NRCAM: variants seen among roughly 807,000 people sequenced by gnomAD.
The protein encoded by NRCAM is neuronal cell adhesion molecule.
NRCAM carries 83 observed loss-of-function variants against 156.5 expected under a neutral mutation model. That is an observed-to-expected ratio of 0.53 (90% confidence interval 0.44 to 0.64). The LOEUF is 0.64. Ranked by LOEUF, NRCAM falls within the 30% of genes least tolerant of loss-of-function variation. The pLI, the probability that NRCAM is intolerant of heterozygous loss-of-function variation, is 0.00. For synonymous variants in NRCAM, 538 were observed against 563.9 expected, an observed-to-expected ratio of 0.95 and a Z score of 0.65; for missense variants, 1,417 against 1,597.3, an observed-to-expected ratio of 0.89 and a Z score of 1.92.
Position 108,150,002 on chromosome 7 carries a change from G to T in NRCAM, c.3823C>A (p.Gln1275Lys), listed in dbSNP as rs761041962. ...QFNEDGSFIG[Q>K]YSGKKEKEPA... is the part of the protein sequence containing the mutation. ...TCTTTCTCTTTCTTACCACTGTATT[G>T]TCCAATAAAGGAGCCATCCTCATTG... is the stretch of plus-strand genomic sequence containing the variant. Residue 1275 changes from glutamine to lysine, a missense_variant, in exon 33 of 33, where the codon CAA becomes AAA. Physicochemically the swap from Gln to Lys is moderately conservative, Grantham distance 53. Around this residue, in one of 2 missense-constraint regions of NRCAM, gnomAD observed 179 missense variants for 260.9 expected, o/e 0.69. Coordinates refer to ENST00000379028, the MANE Select transcript of NRCAM (RefSeq NM_001037132.4). 8.1e-6 allele frequency: 13 copies of T among 1,614,024 alleles called. No homozygotes were observed. The highest frequency in any genetic ancestry group is 1.0e-5 in the Non-Finnish European group (12 of 1,179,944).
At chr7:108,294,325 G>C (rs1486555614) in intron 3 of NRCAM, among the ~76,000 whole-genome samples, 1 of 150,444 alleles carries the variant, frequency 6.6e-6, no homozygotes, top group South Asian at 2.1e-4. Flanking sequence ...GCCCAGAAGG[G>C]CTAACTGCTT....
At chr7:108,238,465 GCTGT>G (rs2095286460) in intron 4 of NRCAM, among the ~76,000 whole-genome samples, 1 of 152,136 alleles carries the variant, frequency 6.6e-6, no homozygotes, top group African/African-American at 2.4e-5. Context: ...ATTCCACAGT[GCTGT>G]CTGTCGTTAC....
At chr7:108,175,523 T>G (rs1429470010) in intron 27 of NRCAM, among the ~76,000 whole-genome samples, 166 bp from the exon 28 acceptor site, 3 of 152,136 alleles carry the variant, frequency 2.0e-5, no homozygotes, top group African/African-American at 2.4e-5. Context: ...GTCCCCAAAC[T>G]TATCTAGTAT....
intron 2 of NRCAM, among the ~76,000 whole-genome samples, chr7:108,341,602 A>C (rs1045943837): frequency 2.6e-4 from 40 of 152,328 alleles, no homozygotes; most frequent in African/African-American, 9.6e-4. Flanking sequence ...TGCTTGAGGA[A>C]GGAATTAATC....
At position 108,375,489 on chromosome 7, in the gene NRCAM, G is replaced by T. The variant is rs187166717; in HGVS notation, c.-174+23947C>A. ...AGTTGTTTGACCTTTAAGAATTTAA[G>T]ACTACTCAGGAAAAGCCTGGAAATA... On this transcript the variant is annotated intron_variant, in intron 2 of 32. Transcript: ENST00000379028. 1.0e-3 allele frequency among the ~76,000 whole-genome samples: 156 copies of T among 152,146 alleles called. 2 individuals are homozygous for T. Among genetic ancestry groups the T allele is most frequent in the Non-Finnish European group, 8.1e-4 (55 of 67,996 alleles).
At chr7:108,279,284 C>T (rs867413252) in intron 3 of NRCAM, among the ~76,000 whole-genome samples, 21 of 152,040 alleles carry the variant, frequency 1.4e-4, no homozygotes, top group African/African-American at 5.1e-4. Context: ...TTTTTATTTC[C>T]TGTTGGTGAA....
chr7:108,428,389 C>T (rs779608583), intron 1 of NRCAM, among the ~76,000 whole-genome samples: 15 of 152,126 alleles, frequency 9.9e-5, no homozygotes, highest in South Asian at 2.1e-4. Context: ...TTCCATGATA[C>T]ATATTTTAAC....
chr7:108,245,883 G>A (rs1171318073), intron 3 of NRCAM, among the ~76,000 whole-genome samples: 2 of 152,152 alleles, frequency 1.3e-5, no homozygotes, highest in African/African-American at 4.8e-5. Context: ...GCAGTAACAA[G>A]AAAGAAAATA....
chr7:108,245,244 T>C (rs1285145647), intron 3 of NRCAM, among the ~76,000 whole-genome samples: 1 of 151,800 alleles, frequency 6.6e-6, no homozygotes, highest in African/African-American at 2.4e-5. Flanking sequence ...CCCCGAGAGG[T>C]CCCTAGCATT....
rs542888109 is a variant in NRCAM, at chr7:108,275,155, G to A, written c.-106-34985C>T. 2.6e-5 allele frequency among the ~76,000 whole-genome samples: 4 copies of A among 152,290 alleles called. No individual in the cohort carries two copies. The South Asian group carries it at 6.2e-4, about 24-fold the overall frequency. On this transcript the variant is annotated intron_variant, in intron 3 of 32. Coordinates refer to ENST00000379028, the MANE Select transcript of NRCAM (RefSeq NM_001037132.4). ...TTCGGTTTGCCAGTATTTTATTGAG[G>A]ATTTTTGCATCGATATTCATCACAG... is the stretch of plus-strand genomic sequence containing the variant.
chr7:108,442,854 CA>C (rs1840153405), intron 1 of NRCAM, among the ~76,000 whole-genome samples: 1 of 152,212 alleles, frequency 6.6e-6, no homozygotes, highest in Admixed American at 6.5e-5. Flanking sequence ...ACATGTCAAT[CA>C]ATTTTCACCT....
At chr7:108,265,739 C>G (rs1477184250) in intron 3 of NRCAM, among the ~76,000 whole-genome samples, 1 of 152,198 alleles carries the variant, frequency 6.6e-6, no homozygotes, top group African/African-American at 2.4e-5. Context: ...TTTGTTAATA[C>G]AAAGTTTCAC....
At chr7:108,188,585 T>C (rs34650650) in intron 20 of NRCAM, among the ~76,000 whole-genome samples, 3,870 of 151,536 alleles carry the variant, frequency 0.026, 61 homozygotes, top group South Asian at 0.055. Context: ...AATGAATGAG[T>C]AAATGAATGA....
chr7:108,255,351 G>A (rs2096583581), intron 3 of NRCAM, among the ~76,000 whole-genome samples: 1 of 152,158 alleles, frequency 6.6e-6, no homozygotes, highest in Admixed American at 6.5e-5. Context: ...ATTTTTTGGT[G>A]GAGACGGGGT....
At chr7:108,235,907 T>C (rs2094927981) in intron 5 of NRCAM, among the ~76,000 whole-genome samples, 1 of 152,182 alleles carries the variant, frequency 6.6e-6, no homozygotes, top group Non-Finnish European at 1.5e-5. Flanking sequence ...TGCAATGCAG[T>C]GGCCATACCA....
chr7:108,415,120 C>G (rs1404785224), intron 1 of NRCAM, among the ~76,000 whole-genome samples: 16 of 152,196 alleles, frequency 1.1e-4, no homozygotes, highest in Non-Finnish European at 1.5e-5. Flanking sequence ...TCCATCACAC[C>G]TGTGAGCCAA....
chr7:108,396,457 C>A (rs1009291794), intron 2 of NRCAM, among the ~76,000 whole-genome samples: 1 of 152,208 alleles, frequency 6.6e-6, no homozygotes, highest in Non-Finnish European at 1.5e-5. Flanking sequence ...ATAAATTCAT[C>A]CTCTACACAT....
chr7:108,242,663 C>T (rs1204841702), intron 3 of NRCAM, among the ~76,000 whole-genome samples: 1 of 152,116 alleles, frequency 6.6e-6, no homozygotes, highest in South Asian at 2.1e-4. Flanking sequence ...ACAAAAGAAC[C>T]AAACTCTGAA....
intron 2 of NRCAM, among the ~76,000 whole-genome samples, chr7:108,373,902 A>AT (rs1480661285): frequency 2.6e-5 from 4 of 152,200 alleles, no homozygotes; most frequent in Non-Finnish European, 5.9e-5. Flanking sequence ...CTAAGCTCAG[A>AT]TTTTAAGACA....
Sources: allele counts gnomAD v4.1 joint callset (sites outside exome capture counted in the v4.1 genomes callset), GRCh38; gene constraint gnomAD v4.1.1; regional missense constraint gnomAD v4.1.1; transcripts MANE v1.5; gene names NCBI Gene and HGNC (gene_info 2026-07-23, HGNC 2026-07-21).